C1QTNF2: variants seen among roughly 807,000 people sequenced by gnomAD.
C1QTNF2 encodes the protein complement C1q tumor necrosis factor-related protein 2.
Under a neutral mutation model 17.4 loss-of-function variants are expected in C1QTNF2, and 15 were observed. That is an observed-to-expected ratio of 0.86 (90% CI 0.58 to 1.33). The LOEUF (loss-of-function observed/expected upper bound fraction) is 1.33, where lower values mean the gene tolerates loss of function less well. Ranked by LOEUF, C1QTNF2 falls within the 40% of genes most tolerant of loss-of-function variation. The probability of loss-of-function intolerance (pLI) is 0.00; values close to 1 mark genes in which losing one functional copy is unlikely to be tolerated. For missense variants in C1QTNF2, 381 were observed against 392.3 expected (o/e 0.97, Z 0.24); for synonymous variants, 154 against 163.3 (o/e 0.94, Z 0.44).
rs776453657 is a variant in C1QTNF2, at chr5:160,349,641, T to C, written c.385A>G (p.Lys129Glu). Residue 129 changes from lysine to glutamate, a missense_variant, in exon 3 of 3, where the codon AAG (lysine) becomes GAG (glutamate). Physicochemically the swap from Lys to Glu is moderately conservative, Grantham distance 56 (BLOSUM62 1). Transcript: ENST00000652664. This position sits in a 1 kb window ranked among gnomAD's most constrained non-coding sequence, Gnocchi z 4.3. ...AGGCCTGGCTCCCCCTTCTTGCCCT[T>C]GGGCCCCTTCTTGCCTGGTGTGCCA... Reference protein sequence around the residue: ...KHGTPGKKGPKGKKGEPGLPG... With the variant: ...KHGTPGKKGPEGKKGEPGLPG... The C allele has an allele frequency of 4.3e-6, 7 of 1,613,408 alleles. No individual in the cohort carries two copies. In the East Asian group the frequency reaches 1.6e-4, roughly 36 times the overall value.
At chr5:160,356,037 C>T (rs1398265074) in intron 1 of C1QTNF2, among the ~76,000 whole-genome samples, 3 of 152,220 alleles carry the variant, frequency 2.0e-5, no homozygotes, top group African/African-American at 7.2e-5. Flanking sequence ...AGCAATAGCA[C>T]GATCCCACTG....
At position 160,349,183 on chromosome 5, in the gene C1QTNF2, G is replaced by T. The variant is rs1449877723; in HGVS notation, c.843C>A (p.Asp281Glu). 1.2e-5 allele frequency: 19 copies of T among 1,613,044 alleles called. No individual in the cohort carries two copies. Among genetic ancestry groups the T allele is most frequent in the Non-Finnish European group, 1.4e-5 (17 of 1,179,436 alleles). The change falls in exon 3 of 3, where the codon GAC (aspartate) becomes GAA (glutamate). Residue 281 changes from aspartate to glutamate, a missense_variant. Coordinates refer to ENST00000652664, the MANE Select transcript of C1QTNF2 (RefSeq NM_031908.6). This position sits in a 1 kb window ranked among gnomAD's most constrained non-coding sequence, Gnocchi z 4.3. ...TGFLIYADQD[D>E]PNEV ...CGTGGCATGTCTATACCTCGTTGGG[G>T]TCATCCTGGTCGGCATAGATTAGGA...
At chr5:160,368,529 CT>C (rs1230481173) in intron 1 of C1QTNF2, among the ~76,000 whole-genome samples, 1 of 135,566 alleles carries the variant, frequency 7.4e-6, no homozygotes, top group African/African-American at 3.0e-5. Flanking sequence ...GAGACTCCTT[CT>C]CAAAAAAAAA....
intron 1 of C1QTNF2, 40 bp downstream of exon 1, chr5:160,370,472 C>T: frequency 1.4e-6 from 2 of 1,395,200 alleles, no homozygotes; most frequent in Non-Finnish European, 1.8e-6. Context: ...TCCCCGCGCG[C>T]ACTTGCCGCC....
chr5:160,349,841 G>T lies in C1QTNF2; in HGVS notation c.245-60C>A. ...CTCACAGACCTAGGCAGAGGGGTGC[G>T]GTGCGGCTTGGTCTTCCAATCTTGG... On this transcript the variant is annotated intron_variant, in intron 2 of 2. Transcript: ENST00000652664. The surrounding 1 kb of genome is among the most constrained non-coding windows in gnomAD (Gnocchi z 4.3). 3 of 1,488,260 alleles carry T rather than the reference G, an allele frequency of 2.0e-6. No individual in the cohort carries two copies. The highest frequency in any genetic ancestry group is 1.8e-6 in the Non-Finnish European group (2 of 1,127,810). 92.2% of individuals were successfully genotyped at this position (1,488,260 alleles called of 1,614,324 possible).
At chr5:160,354,631 T>TAGATATAG (rs1554127203) in intron 2 of C1QTNF2, 137 bp downstream of exon 2, 1 of 223,566 alleles carries the variant, frequency 4.5e-6, no homozygotes, top group Non-Finnish European at 7.8e-6. Flanking sequence ...TATATATATA[T>TAGATATAG]ATAGATTTAT....
Position 160,354,771 on chromosome 5 carries a change from C to T in C1QTNF2, c.241G>A (p.Glu81Lys). The part of the protein sequence containing the change: ...HDGDRGDSGE[E>K]GPPGRTGNRG... ...GTGGCACGTATAGGCCTCTTACCTT[C>T]CTCTCCGCTGTCCCCCCGGTCGCCG... The change falls in exon 2 of 3, where the codon GAA (glutamate) becomes AAA (lysine). Residue 81 changes from glutamate (E) to lysine (K), a missense_variant. Physicochemically the swap from Glu to Lys is moderately conservative, Grantham distance 56. Transcript: ENST00000652664. 1 of 1,613,758 alleles carries T rather than the reference C, an allele frequency of 6.2e-7. No individual in the cohort carries two copies. The highest frequency in any genetic ancestry group is 8.5e-7 in the Non-Finnish European group (1 of 1,179,944).
chr5:160,354,907 G>A lies in C1QTNF2; in HGVS notation c.105C>T (p.Val35=), dbSNP rs1306893601. The A allele has an allele frequency of 1.9e-6, 3 of 1,602,290 alleles. No individual in the cohort carries two copies. In the African/African-American group the frequency reaches 4.0e-5, roughly 21 times the overall value. ...GGCCCTGGGGGCCAGGCAGGCTGCA[G>A]ACCAGTTGAGGGGAGCCTTTCCGGA... ...RDFRKGSPQL[V]CSLPGPQGPP... is the part of the protein sequence containing the mutation. Residue 35 remains valine, a synonymous_variant, in exon 2 of 3, where the codon GTC becomes GTT. Transcript: ENST00000652664.
chr5:160,351,608 AC>A (rs1305623791), intron 2 of C1QTNF2, among the ~76,000 whole-genome samples: 1 of 152,226 alleles, frequency 6.6e-6, no homozygotes, highest in Non-Finnish European at 1.5e-5. Flanking sequence ...ATTATTAAAT[AC>A]ATATGTAAAT....
rs772750031 is a variant in C1QTNF2 at position 160,370,501 on chromosome 5, G to A, written c.-10+11C>T. 9 of 1,463,642 alleles carry A rather than the reference G, an allele frequency of 6.1e-6. No homozygotes were observed. The highest frequency in any genetic ancestry group is 5.7e-5 in the East Asian group (2 of 35,356). The allele number at this position is 1,463,642 out of a possible 1,614,324, so 90.7% of individuals were successfully genotyped here. A position where few individuals can be genotyped will look rare whatever the true frequency, so the allele number is the denominator to read the frequency against. ...TGCCGCCCCCGCCCGACCGCGGTGC[G>A]GGACACTCACCCTCGCGGCTGCCCG... On this transcript the variant is annotated intron_variant, in intron 1 of 2. Transcript: ENST00000652664.
In C1QTNF2 at chr5:160,349,611, C is replaced by T. The variant is rs749695865; in HGVS notation, c.415G>A (p.Gly139Ser). The T allele has an allele frequency of 3.7e-5, 59 of 1,613,606 alleles. No individual in the cohort carries two copies. The highest frequency in any genetic ancestry group is 4.9e-5 in the Non-Finnish European group (58 of 1,179,940). ...TGGCCACTGCCACAGCTGCAGGGGC[C>T]TGGGAGGCCTGGCTCCCCCTTCTTG... ...KGKKGEPGLP[G>S]PCSCGSGHTK... The change falls in exon 3 of 3, where the codon GGC becomes AGC. Residue 139 changes from glycine to serine, a missense_variant. Coordinates refer to ENST00000652664, the MANE Select transcript of C1QTNF2 (RefSeq NM_031908.6). This position sits in a 1 kb window ranked among gnomAD's most constrained non-coding sequence, Gnocchi z 4.3.
chr5:160,350,048 C>G (rs1273204245), intron 2 of C1QTNF2, among the ~76,000 whole-genome samples: 1 of 152,182 alleles, frequency 6.6e-6, no homozygotes. Flanking sequence ...TTCCTGCCTT[C>G]TAAGGAAGGG....
chr5:160,352,711 A>G (rs1763949796), intron 2 of C1QTNF2, among the ~76,000 whole-genome samples: 1 of 152,236 alleles, frequency 6.6e-6, no homozygotes, highest in African/African-American at 2.4e-5. Context: ...GAAATTGGAT[A>G]TCATGATACC....
intron 2 of C1QTNF2, among the ~76,000 whole-genome samples, chr5:160,354,282 A>C (rs1451065995): frequency 3.3e-5 from 5 of 152,130 alleles, no homozygotes; most frequent in African/African-American, 1.2e-4. Context: ...TCCTTTCAGA[A>C]TAAACTGCTC....
chr5:160,360,098 A>C (rs971330545), intron 1 of C1QTNF2, among the ~76,000 whole-genome samples: 1 of 152,186 alleles, frequency 6.6e-6, no homozygotes, highest in Non-Finnish European at 1.5e-5. Context: ...GCATTCCCTG[A>C]TGTGCCCTCT....
intron 2 of C1QTNF2, among the ~76,000 whole-genome samples, chr5:160,351,642 A>G (rs1259947832): frequency 6.6e-6 from 1 of 152,200 alleles, no homozygotes; most frequent in African/African-American, 2.4e-5. Context: ...GCCAGGAAAG[A>G]TACATACCTA....
intron 1 of C1QTNF2, among the ~76,000 whole-genome samples, chr5:160,363,218 A>G (rs546129277): frequency 1.3e-5 from 2 of 152,358 alleles, no homozygotes; most frequent in Non-Finnish European, 2.9e-5. Context: ...CCTGAATTCC[A>G]GGAAGTAAAT....
Position 160,355,240 on chromosome 5 carries a change from C to T in C1QTNF2, c.-9-220G>A, listed in dbSNP as rs560299979. 18 of 985,108 alleles carry T rather than the reference C, an allele frequency of 1.8e-5. No individual in the cohort carries two copies. The East Asian group carries it at 1.1e-3, about 62-fold the overall frequency. 61.0% of individuals were successfully genotyped at this position (985,108 alleles called of 1,614,324 possible). A position where few individuals can be genotyped will look rare whatever the true frequency, so the allele number is the denominator to read the frequency against. ...TGGAGTCATTACCCAGAATACACTT[C>T]GAAGGGGTCTCGGGGGTGAGGCATT... On this transcript the variant is annotated intron_variant, in intron 1 of 2. Coordinates refer to ENST00000652664, the MANE Select transcript of C1QTNF2 (RefSeq NM_031908.6).
In C1QTNF2 at chr5:160,347,812, T is replaced by G. The variant is rs982698012; in HGVS notation, c.*1356A>C. ...TCTCACTCTGTTGCCCAGGCTGGAG[T>G]GCAGTGGCAGGATCTCAGCTAACTG... is the stretch of plus-strand genomic sequence containing the variant. On this transcript the variant is annotated 3_prime_UTR_variant, in exon 3 of 3. Transcript: ENST00000652664. 9 of 149,364 alleles carry G rather than the reference T, an allele frequency of 6.0e-5. No individual in the cohort carries two copies. The highest frequency in any genetic ancestry group is 1.2e-4 in the Non-Finnish European group (8 of 67,704). 9.3% of individuals were successfully genotyped at this position (149,364 alleles called of 1,614,324 possible).
Sources: gnomAD v4.1 joint callset for allele counts (sites outside exome capture counted in the v4.1 genomes callset) on GRCh38, gnomAD v4.1.1 for gene constraint, Gnocchi (gnomAD v3.1) non-coding constraint, MANE v1.5 for transcripts, NCBI Gene and HGNC (gene_info 2026-07-23, HGNC 2026-07-21) for gene names.